ABHD6: variants seen among roughly 807,000 people sequenced by gnomAD.
The protein encoded by ABHD6 is monoacylglycerol lipase ABHD6.
Under a neutral mutation model 38.8 loss-of-function variants are expected in ABHD6, and 33 were observed. The ratio of observed to expected loss-of-function variants is 0.85; its 90% CI spans 0.64 to 1.14. The LOEUF is 1.14. Among genes scored for constraint, ABHD6 ranks in the 50% most tolerant of loss-of-function variants. ABHD6 has a pLI of 0.00. For missense variants in ABHD6, 380 were observed against 422.6 expected, an observed-to-expected ratio of 0.90 and a Z score of 0.88; for synonymous variants, 147 against 161.6, an observed-to-expected ratio of 0.91 and a Z score of 0.69.
intron 4 of ABHD6, among the ~76,000 whole-genome samples, chr3:58,268,675 TTGA>T (rs550534407): frequency 1.3e-3 from 196 of 152,350 alleles, no homozygotes; most frequent in African/African-American, 4.5e-3. Flanking sequence ...TTTTCATGCC[TTGA>T]TGAACTTCCT....
rs758377996 is a variant in ABHD6 at position 58,269,351 on chromosome 3, G to A, written c.307G>A (p.Val103Met). ...TCCAAAGAACCTGCACTTGGTCTGC[G>A]TGGACATGCCAGGACATGAGGGCAC... ...FLPKNLHLVC[V>M]DMPGHEGTTR... Residue 103 changes from valine (V) to methionine (M), a missense_variant, in exon 5 of 10, where the codon GTG becomes ATG. Val to Met is a conservative substitution (Grantham distance 21). Coordinates refer to ENST00000478253, the MANE Select transcript of ABHD6 (RefSeq NM_001320126.2). This position sits in a 1 kb window ranked among gnomAD's most constrained non-coding sequence, Gnocchi z 4.4. 1.4e-5 allele frequency: 23 copies of A among 1,613,948 alleles called. No individual in the cohort carries two copies. Among genetic ancestry groups the A allele is most frequent in the East Asian group, 2.2e-5 (1 of 44,876 alleles).
chr3:58,262,253 G>A (rs1395215275), intron 3 of ABHD6, among the ~76,000 whole-genome samples: 1 of 152,194 alleles, frequency 6.6e-6, no homozygotes, highest in Non-Finnish European at 1.5e-5. Flanking sequence ...AATGGATAGT[G>A]GTGGTAGTTT....
intron 9 of ABHD6, among the ~76,000 whole-genome samples, chr3:58,288,289 G>T (rs1410338977): frequency 6.6e-6 from 1 of 152,158 alleles, no homozygotes; most frequent in East Asian, 1.9e-4. Context: ...ACCCCTGTAG[G>T]CTGACTGCTA....
intron 9 of ABHD6, among the ~76,000 whole-genome samples, chr3:58,286,839 T>G (rs2097457360): frequency 1.0e-5 from 1 of 96,568 alleles, no homozygotes; most frequent in Admixed American, 1.1e-4. Context: ...TGTGTGTGTG[T>G]GTGTGTGTGT....
chr3:58,293,671 C>T lies in ABHD6; in HGVS notation c.920C>T (p.Ser307Leu), dbSNP rs781259059. 1.2e-6 allele frequency: 2 copies of T among 1,614,216 alleles called. No individual in the cohort carries two copies. Among genetic ancestry groups the T allele is most frequent in the South Asian group, 2.2e-5 (2 of 91,078 alleles). Residue 307 changes from serine to leucine, a missense_variant, in exon 10 of 10, where the codon TCA becomes TTA. By Grantham distance (145) the Ser-to-Leu change is moderately radical (BLOSUM62 -2). Transcript: ENST00000478253. This position sits in a 1 kb window ranked among gnomAD's most constrained non-coding sequence, Gnocchi z 4.4. The stretch of plus-strand genomic sequence containing the variant: ...GAGCTTCTGGAAAACTGTGGGCACT[C>T]AGTAGTGATGGAAAGACCCAGGAAG... ...QVELLENCGH[S>L]VVMERPRKTA...
At chr3:58,291,314 C>A (rs1282886273) in intron 9 of ABHD6, among the ~76,000 whole-genome samples, 2 of 151,762 alleles carry the variant, frequency 1.3e-5, no homozygotes, top group African/African-American at 4.8e-5. Flanking sequence ...TTGCAGTGAG[C>A]CGAGATGGCA....
rs1004657361 is a variant in ABHD6 at position 58,266,265 on chromosome 3, A to G, written c.120-924A>G. Among the ~76,000 whole-genome samples the G allele has an allele frequency of 3.3e-5, 5 of 152,164 alleles. 1 individual carries two copies. The East Asian group carries it at 5.8e-4, about 18-fold the overall frequency. ...GGAGTTTGAGACTGGCCTGGCCAAC[A>G]TGGCGAAACCCTGTCTCTACTAAAA... On this transcript the variant is annotated intron_variant, in intron 3 of 9. Coordinates refer to ENST00000478253, the MANE Select transcript of ABHD6 (RefSeq NM_001320126.2). The surrounding 1 kb of genome is among the most constrained non-coding windows in gnomAD (Gnocchi z 4.0).
intron 7 of ABHD6, among the ~76,000 whole-genome samples, chr3:58,282,378 G>A (rs2097453950): frequency 6.6e-6 from 1 of 152,136 alleles, no homozygotes; most frequent in Non-Finnish European, 1.5e-5. Context: ...TGGACAGGAT[G>A]TACAGGCAAA....
At chr3:58,243,000 C>T (rs989313038) in intron 1 of ABHD6, among the ~76,000 whole-genome samples, 5 of 152,208 alleles carry the variant, frequency 3.3e-5, no homozygotes, top group African/African-American at 1.2e-4. Flanking sequence ...GAATAGTTTG[C>T]TCAGAATGAT....
At chr3:58,292,412 C>T (rs775836709) in intron 9 of ABHD6, among the ~76,000 whole-genome samples, 2 of 151,986 alleles carry the variant, frequency 1.3e-5, no homozygotes, top group East Asian at 1.9e-4. Context: ...GGAGTGAATG[C>T]GGATCCACTT....
rs1042355381 is a variant in ABHD6, at chr3:58,263,037, A to T, written c.120-4152A>T. Among the ~76,000 whole-genome samples, 5 of 152,116 alleles carry T rather than the reference A, an allele frequency of 3.3e-5. No homozygotes were observed. The highest frequency in any genetic ancestry group is 5.9e-5 in the Non-Finnish European group (4 of 68,008). On this transcript the variant is annotated intron_variant, in intron 3 of 9. Transcript: ENST00000478253. This position sits in a 1 kb window ranked among gnomAD's most constrained non-coding sequence, Gnocchi z 4.9. The stretch of plus-strand genomic sequence containing the variant: ...AGCCTGGCCAACATGGTGAAACCCC[A>T]TCTCTACTACAAATACGAAAATTAG...
rs1488552195 is a variant in ABHD6 at position 58,267,204 on chromosome 3, A to G, written c.135A>G (p.Thr45=). The G allele has an allele frequency of 6.2e-7, 1 of 1,614,082 alleles. No homozygotes were observed. Among genetic ancestry groups the G allele is most frequent in the Non-Finnish European group, 8.5e-7 (1 of 1,179,974 alleles). The stretch of plus-strand genomic sequence containing the variant: ...CCCCTTCCAGGTACTGGCGGAGGAC[A>G]TTGGGCATGCAAGTCCGCTATGTTC... The part of the protein sequence containing the change: ...IRIYYWYWRR[T]LGMQVRYVHH... The change falls in exon 4 of 10, where the codon ACA becomes ACG. Residue 45 remains threonine, a synonymous_variant. Transcript: ENST00000478253. The surrounding 1 kb of genome is among the most constrained non-coding windows in gnomAD (Gnocchi z 4.3).
intron 1 of ABHD6, among the ~76,000 whole-genome samples, chr3:58,247,135 T>C (rs2097426991): frequency 6.6e-6 from 1 of 151,304 alleles, no homozygotes; most frequent in Non-Finnish European, 1.5e-5. Context: ...GGATTCTAGC[T>C]AGGACTACAG....
At position 58,257,328 on chromosome 3, in the gene ABHD6, TTTTG is replaced by T; in HGVS notation, c.119+634_119+637del. 6.6e-6 allele frequency among the ~76,000 whole-genome samples: 1 copy of T among 151,924 alleles called. No homozygotes were observed. Among genetic ancestry groups the T allele is most frequent in the East Asian group, 1.9e-4 (1 of 5,162 alleles). ...TGGTATCTTCTTGATCATTGGTTGT[TTTTG>T]TTTGTTTGTTGGTTGGTTGGTTTTT... is the stretch of plus-strand genomic sequence containing the variant. On this transcript the variant is annotated intron_variant, in intron 3 of 9. Coordinates refer to ENST00000478253, the MANE Select transcript of ABHD6 (RefSeq NM_001320126.2). This position sits in a 1 kb window ranked among gnomAD's most constrained non-coding sequence, Gnocchi z 4.8.
intron 3 of ABHD6, among the ~76,000 whole-genome samples, chr3:58,262,247 G>A (rs1452261710): frequency 6.6e-6 from 1 of 152,204 alleles, no homozygotes; most frequent in Non-Finnish European, 1.5e-5. Flanking sequence ...TCTAGAAATG[G>A]ATAGTGGTGG....
chr3:58,246,230 G>A (rs1380830412), intron 1 of ABHD6, among the ~76,000 whole-genome samples: 1 of 152,170 alleles, frequency 6.6e-6, no homozygotes, highest in Non-Finnish European at 1.5e-5. Context: ...TATTTCTGTA[G>A]GGCTGTCTTG....
chr3:58,279,117 C>G (rs1040997488), intron 7 of ABHD6, among the ~76,000 whole-genome samples: 6 of 152,174 alleles, frequency 3.9e-5, no homozygotes, highest in Admixed American at 1.3e-4. Context: ...TCTATTAGGT[C>G]TGCTTGGTGC....
intron 5 of ABHD6, among the ~76,000 whole-genome samples, chr3:58,270,503 CAAAAA>C (rs768619665): frequency 1.8e-4 from 11 of 60,644 alleles, no homozygotes; most frequent in African/African-American, 4.5e-4. Flanking sequence ...CTCATCTCTA[CAAAAA>C]AAAAAAAAAA....
intron 1 of ABHD6, among the ~76,000 whole-genome samples, chr3:58,248,449 G>A (rs1299601287): frequency 6.6e-6 from 1 of 152,190 alleles, no homozygotes; most frequent in African/African-American, 2.4e-5. Context: ...TGTAATCCCA[G>A]CACTTTGGAA....
Sources: gnomAD v4.1 joint callset for allele counts (sites outside exome capture counted in the v4.1 genomes callset) on GRCh38, gnomAD v4.1.1 for gene constraint, Gnocchi (gnomAD v3.1) non-coding constraint, MANE v1.5 for transcripts, NCBI Gene and HGNC (gene_info 2026-07-23, HGNC 2026-07-21) for gene names.